The following NDUFS6 variants were observed in gnomAD, a reference collection of about 807,000 sequenced individuals.
NDUFS6 encodes the protein NADH dehydrogenase [ubiquinone] iron-sulfur protein 6, mitochondrial.
A neutral mutation model predicts 13.2 loss-of-function variants in NDUFS6; 14 were observed. The observed-to-expected ratio is 1.06, with a 90% CI of 0.70 to 1.66. The LOEUF (loss-of-function observed/expected upper bound fraction) is 1.66, where lower values mean the gene tolerates loss of function less well. Ranked by LOEUF, NDUFS6 falls within the 40% of genes most tolerant of loss-of-function variation. The pLI, the probability that NDUFS6 is intolerant of heterozygous loss-of-function variation, is 0.00. For missense variants in NDUFS6, 206 were observed against 170.8 expected, an observed-to-expected ratio of 1.21 and a Z score of -1.15; for synonymous variants, 95 against 72.3, an observed-to-expected ratio of 1.31 and a Z score of -1.60.
At chr5:1,805,918 G>C (rs780628061) in intron 2 of NDUFS6, among the ~76,000 whole-genome samples, 1 of 152,194 alleles carries the variant, frequency 6.6e-6, no homozygotes, top group Non-Finnish European at 1.5e-5. Context: ...TATGAGGGCT[G>C]TGTGCTTCAG....
intron 2 of NDUFS6, among the ~76,000 whole-genome samples, chr5:1,805,323 C>A (rs1202650713): frequency 6.6e-6 from 1 of 152,180 alleles, no homozygotes. Context: ...GAGCAAGACT[C>A]TATCTCCAGA....
chr5:1,807,087 C>T (rs1734135645), intron 2 of NDUFS6, among the ~76,000 whole-genome samples: 1 of 106,648 alleles, frequency 9.4e-6, no homozygotes, highest in Non-Finnish European at 2.1e-5. Context: ...GGGACCAGAA[C>T]AGTCGCTTCT....
chr5:1,807,000 C>G lies in NDUFS6; in HGVS notation c.186+4626C>G, dbSNP rs1054353412. On this transcript the variant is annotated intron_variant, in intron 2 of 3. Coordinates refer to ENST00000274137, the MANE Select transcript of NDUFS6 (RefSeq NM_004553.6). ...AGAACGCTTGACACGCCCCACAACA[C>G]GGATAAGCCTGGAGGACGTTGCGCT... Among the ~76,000 whole-genome samples, 16 of 152,150 alleles carry G rather than the reference C, an allele frequency of 1.1e-4. 1 individual carries two copies. Among genetic ancestry groups the G allele is most frequent in the Non-Finnish European group, 1.8e-4 (12 of 68,046 alleles).
intron 2 of NDUFS6, among the ~76,000 whole-genome samples, chr5:1,807,619 C>T (rs550996618): frequency 1.3e-5 from 2 of 152,266 alleles, no homozygotes; most frequent in Non-Finnish European, 1.5e-5. Context: ...TGGGCCCACG[C>T]GGCACCTCCA....
chr5:1,807,568 G>A (rs3822364), intron 2 of NDUFS6, among the ~76,000 whole-genome samples: 114,412 of 152,148 alleles, frequency 0.75, 45,554 homozygotes, highest in Non-Finnish European at 0.88. Context: ...AGGCCGGCAG[G>A]GCAGGGCACA....
chr5:1,802,106 T>C, intron 1 of NDUFS6: 1 of 568,080 alleles, frequency 1.8e-6, no homozygotes, highest in Non-Finnish European at 3.1e-6. Flanking sequence ...GCTATGTCTC[T>C]GTGCTGCTCT....
At position 1,815,550 on chromosome 5, in the gene NDUFS6, C is replaced by G. The variant is rs373887716; in HGVS notation, c.310-301C>G. 2.6e-4 allele frequency among the ~76,000 whole-genome samples: 40 copies of G among 152,278 alleles called. No homozygotes were observed. The South Asian group carries it at 8.3e-3, about 32-fold the overall frequency. The stretch of plus-strand genomic sequence containing the variant: ...GCCAAGCCTGGTTGTGCCTCACTGT[C>G]GTGTGCAGCACCCACCGCCTGCTCC... On this transcript the variant is annotated intron_variant, in intron 3 of 3. Transcript: ENST00000274137.
At chr5:1,805,425 C>T (rs1443419506) in intron 2 of NDUFS6, among the ~76,000 whole-genome samples, 2 of 152,244 alleles carry the variant, frequency 1.3e-5, no homozygotes, top group African/African-American at 4.8e-5. Context: ...TGCAGAAAAA[C>T]AGTGGAAAGT....
At chr5:1,810,599 A>T (rs1347564729) in intron 2 of NDUFS6, among the ~76,000 whole-genome samples, 1 of 152,240 alleles carries the variant, frequency 6.6e-6, no homozygotes, top group Admixed American at 6.5e-5. Context: ...TTTTTAAAAA[A>T]CATAAATTCT....
At position 1,814,505 on chromosome 5, in the gene NDUFS6, G is replaced by T. The variant is rs375252736; in HGVS notation, c.309+44G>T. ...GTGCACATGTTAGGGCAGCCTGCTC[G>T]TCCTCATACTCCCCTTCACTCCCAG... On this transcript the variant is annotated intron_variant, in intron 3 of 3. Transcript: ENST00000274137. This position sits in a 1 kb window ranked among gnomAD's most constrained non-coding sequence, Gnocchi z 4.9. 14 of 1,613,710 alleles carry T rather than the reference G, an allele frequency of 8.7e-6. No individual in the cohort carries two copies. The highest frequency in any genetic ancestry group is 1.2e-5 in the Non-Finnish European group (14 of 1,179,898).
chr5:1,812,299 G>A (rs11740753), intron 2 of NDUFS6, among the ~76,000 whole-genome samples: 31,625 of 151,626 alleles, frequency 0.21, 3,524 homozygotes, highest in Admixed American at 0.28. Flanking sequence ...TGAAGGCCCC[G>A]CCCTGTCTCT....
intron 2 of NDUFS6, among the ~76,000 whole-genome samples, chr5:1,813,033 CAG>C (rs1734244060): frequency 6.6e-6 from 1 of 151,736 alleles, no homozygotes; most frequent in Non-Finnish European, 1.5e-5. Flanking sequence ...GCCTGGGCGA[CAG>C]AGTGAGACTC....
rs1221128239 is a variant in NDUFS6 at position 1,816,011 on chromosome 5, TC to T, written c.*97del. 1 of 1,327,618 alleles carries T rather than the reference TC, an allele frequency of 7.5e-7. No individual in the cohort carries two copies. Among genetic ancestry groups the T allele is most frequent in the Non-Finnish European group, 1.1e-6 (1 of 918,712 alleles). The allele number at this position is 1,327,618 out of a possible 1,614,324, so 82.2% of individuals were successfully genotyped here. On this transcript the variant is annotated 3_prime_UTR_variant, in exon 4 of 4. Transcript: ENST00000274137. Reference sequence around the variant, plus strand: ...CTCGCTGGTTCTGTGCGAAGGGTATTCCTGGTGCTGAATAAAGGGTGTTGCT... The same window carrying T: ...CTCGCTGGTTCTGTGCGAAGGGTATTCTGGTGCTGAATAAAGGGTGTTGCT...
chr5:1,802,540 A>G (rs941336687), intron 2 of NDUFS6, among the ~76,000 whole-genome samples, 166 bp downstream of exon 2: 1 of 152,104 alleles, frequency 6.6e-6, no homozygotes, highest in African/African-American at 2.4e-5. Flanking sequence ...AATTGTGTCT[A>G]TTTCTGACTT....
intron 3 of NDUFS6, among the ~76,000 whole-genome samples, chr5:1,815,060 AGGACTTTGGGGG>A (rs1430397831): frequency 1.3e-5 from 2 of 152,286 alleles, no homozygotes; most frequent in East Asian, 3.9e-4. Context: ...ATCGGGGGTT[AGGACTTTGGGGG>A]GCACACGGTT....
At chr5:1,808,366 C>T (rs1734160560) in intron 2 of NDUFS6, among the ~76,000 whole-genome samples, 1 of 152,192 alleles carries the variant, frequency 6.6e-6, no homozygotes, top group South Asian at 2.1e-4. Flanking sequence ...TGAAGGCAAT[C>T]GGATTTTAAA....
Position 1,814,301 on chromosome 5 carries a change from T to A in NDUFS6, c.187-38T>A. ...TTAAATTGTATGTAGTTAGCAAGTT[T>A]GTGTATTTGTTTACGTAAGTCTTTC... On this transcript the variant is annotated intron_variant, in intron 2 of 3. Transcript: ENST00000274137. This position sits in a 1 kb window ranked among gnomAD's most constrained non-coding sequence, Gnocchi z 4.9. The A allele has an allele frequency of 6.2e-7, 1 of 1,614,078 alleles. No homozygotes were observed. Among genetic ancestry groups the A allele is most frequent in the South Asian group, 1.1e-5 (1 of 91,080 alleles).
rs867088756 is a variant in NDUFS6, at chr5:1,814,832, C to G, written c.309+371C>G. 7 of 628,214 alleles carry G rather than the reference C, an allele frequency of 1.1e-5. No individual in the cohort carries two copies. Among genetic ancestry groups the G allele is most frequent in the South Asian group, 5.4e-5 (3 of 55,274 alleles). 38.9% of individuals were successfully genotyped at this position (628,214 alleles called of 1,614,324 possible). A position where few individuals can be genotyped will look rare whatever the true frequency, so the allele number is the denominator to read the frequency against. Reference sequence around the variant, plus strand: ...TTCCCACAGCGCTGGAGGCTGCAGCCCAAGACCACCGTGCCGCTCTGTGGG... The same window carrying G: ...TTCCCACAGCGCTGGAGGCTGCAGCGCAAGACCACCGTGCCGCTCTGTGGG... On this transcript the variant is annotated intron_variant, in intron 3 of 3. Coordinates refer to ENST00000274137, the MANE Select transcript of NDUFS6 (RefSeq NM_004553.6). This position sits in a 1 kb window ranked among gnomAD's most constrained non-coding sequence, Gnocchi z 4.9.
At chr5:1,802,991 G>A (rs1734073465) in intron 2 of NDUFS6, among the ~76,000 whole-genome samples, 1 of 151,954 alleles carries the variant, frequency 6.6e-6, no homozygotes, top group African/African-American at 2.4e-5. Context: ...GATCAGGCAT[G>A]CCTCCATGAT....
Sources: gnomAD v4.1 joint callset for allele counts (sites outside exome capture counted in the v4.1 genomes callset) on GRCh38, gnomAD v4.1.1 for gene constraint, Gnocchi (gnomAD v3.1) non-coding constraint, MANE v1.5 for transcripts, NCBI Gene and HGNC (gene_info 2026-07-23, HGNC 2026-07-21) for gene names.